The following SLC25A21 variants were observed in gnomAD, a reference collection of about 807,000 sequenced individuals.
The protein encoded by SLC25A21 is solute carrier family 25 member 21, also known as mitochondrial 2-oxodicarboxylate carrier.
A neutral mutation model predicts 43.8 loss-of-function variants in SLC25A21; 47 were observed. The ratio of observed to expected loss-of-function variants is 1.07; its 90% CI spans 0.85 to 1.37. The LOEUF is 1.37. SLC25A21 is among the 40% of genes most tolerant of loss of function. The pLI is 0.00. For synonymous variants in SLC25A21, 131 were observed against 121.3 expected (o/e 1.08, Z -0.52); for missense variants, 352 against 350.2 (o/e 1.00, Z -0.04).
chr14:36,955,628 T>C (rs1959318813), intron 1 of SLC25A21, among the ~76,000 whole-genome samples: 1 of 152,138 alleles, frequency 6.6e-6, no homozygotes, highest in South Asian at 2.1e-4. Flanking sequence ...CAAACCAAGA[T>C]TAAAGATGTA....
intron 3 of SLC25A21, among the ~76,000 whole-genome samples, chr14:36,775,274 C>G (rs1199998243): frequency 6.6e-6 from 1 of 152,156 alleles, no homozygotes; most frequent in Non-Finnish European, 1.5e-5. Flanking sequence ...GAAACTCAGT[C>G]CTGTGTTTAA....
rs142365561 is a variant in SLC25A21, at chr14:36,885,910, T to A, written c.71-10906A>T. On this transcript the variant is annotated intron_variant, in intron 1 of 9. Transcript: ENST00000331299. ...TGCCACTTCCTTGATGTTTTCGAAT[T>A]AAATCCAAGACCCCTCTTATGTTCT... Among the ~76,000 whole-genome samples, 236 of 152,304 alleles carry A rather than the reference T, an allele frequency of 1.5e-3. 7 individuals carry two copies. In the East Asian group the frequency reaches 0.044, roughly 28 times the overall value.
chr14:37,066,691 AG>A (rs1962067536), intron 1 of SLC25A21, among the ~76,000 whole-genome samples: 1 of 152,188 alleles, frequency 6.6e-6, no homozygotes, highest in Non-Finnish European at 1.5e-5. Flanking sequence ...TCATTTAAAA[AG>A]TATATGTGTG....
At chr14:37,160,654 G>A (rs1375850185) in intron 1 of SLC25A21, among the ~76,000 whole-genome samples, 1 of 152,018 alleles carries the variant, frequency 6.6e-6, no homozygotes, top group Non-Finnish European at 1.5e-5. Flanking sequence ...TTCAGGCCAG[G>A]TGCGGTGGCT....
rs374197957 is a variant in SLC25A21 at position 36,817,631 on chromosome 14, A to G, written c.120-3630T>C. On this transcript the variant is annotated intron_variant, in intron 2 of 9. Coordinates refer to ENST00000331299, the MANE Select transcript of SLC25A21 (RefSeq NM_030631.4). Reference sequence around the variant, plus strand: ...AAGCACTTGACCTTTTCTGCTGCTCAGCTCAGCACTTCGGCTACCTCAGGA... The same window carrying G: ...AAGCACTTGACCTTTTCTGCTGCTCGGCTCAGCACTTCGGCTACCTCAGGA... Among the ~76,000 whole-genome samples the G allele has an allele frequency of 4.4e-3, 672 of 152,286 alleles. 1 individual carries two copies. The highest frequency in any genetic ancestry group is 6.8e-3 in the Middle Eastern group (2 of 294).
chr14:37,035,592 C>T (rs1035914936), intron 1 of SLC25A21, among the ~76,000 whole-genome samples: 96 of 152,338 alleles, frequency 6.3e-4, no homozygotes, highest in African/African-American at 2.2e-3. Context: ...GTCTTATATT[C>T]TCAACAAACT....
chr14:36,769,900 C>A (rs1374998955), intron 3 of SLC25A21, among the ~76,000 whole-genome samples: 1 of 152,174 alleles, frequency 6.6e-6, no homozygotes, highest in Non-Finnish European at 1.5e-5. Context: ...AGTGTTGTAT[C>A]CTCACAGGGC....
At chr14:36,887,671 G>T (rs1351402832) in intron 1 of SLC25A21, among the ~76,000 whole-genome samples, 1 of 152,058 alleles carries the variant, frequency 6.6e-6, no homozygotes. Flanking sequence ...TCTATGGCTT[G>T]GGGAAGAGGG....
chr14:36,728,753 T>C (rs1161010204), intron 5 of SLC25A21, among the ~76,000 whole-genome samples: 1 of 152,362 alleles, frequency 6.6e-6, no homozygotes, highest in South Asian at 2.1e-4. Flanking sequence ...GGCATTTTCC[T>C]AGAGGCTGGA....
intron 1 of SLC25A21, among the ~76,000 whole-genome samples, chr14:37,062,569 C>T (rs950116737): frequency 4.6e-5 from 7 of 152,100 alleles, no homozygotes; most frequent in Admixed American, 6.5e-5. Context: ...TTCAGATGCT[C>T]GCTGTTTGCA....
chr14:36,711,136 C>A (rs1410855121), intron 7 of SLC25A21, among the ~76,000 whole-genome samples, 182 bp downstream of exon 7: 1 of 152,144 alleles, frequency 6.6e-6, no homozygotes, highest in East Asian at 1.9e-4. Context: ...CTTGATCTTT[C>A]TAAGACTCCA....
intron 1 of SLC25A21, among the ~76,000 whole-genome samples, chr14:37,078,621 G>A (rs888434587): frequency 2.0e-5 from 3 of 152,116 alleles, no homozygotes; most frequent in Admixed American, 6.5e-5. Flanking sequence ...CCACACACCT[G>A]TGAAATCAGA....
Position 36,841,560 on chromosome 14 carries a change from C to T in SLC25A21, c.120-27559G>A, listed in dbSNP as rs531014386. On this transcript the variant is annotated intron_variant, in intron 2 of 9. Coordinates refer to ENST00000331299, the MANE Select transcript of SLC25A21 (RefSeq NM_030631.4). ...TCTTTCAGATTTGACATTTCCTCTC[C>T]ACTTTCACTGATTTCCTAACACAGG... Among the ~76,000 whole-genome samples the T allele has an allele frequency of 8.4e-4, 128 of 152,288 alleles. 1 individual carries two copies. Among genetic ancestry groups the T allele is most frequent in the South Asian group, 7.9e-3 (38 of 4,824 alleles).
intron 7 of SLC25A21, among the ~76,000 whole-genome samples, chr14:36,706,010 T>G (rs1290582320): frequency 1.3e-5 from 2 of 152,228 alleles, no homozygotes; most frequent in Non-Finnish European, 2.9e-5. Flanking sequence ...AGGATTGATT[T>G]ATTATGTTTT....
At chr14:37,004,756 A>G (rs938068893) in intron 1 of SLC25A21, among the ~76,000 whole-genome samples, 3 of 143,268 alleles carry the variant, frequency 2.1e-5, no homozygotes, top group Non-Finnish European at 4.6e-5. Context: ...CAGCTTGGTC[A>G]GAAGCACCTG....
chr14:36,868,729 A>G (rs1470904407), intron 2 of SLC25A21, among the ~76,000 whole-genome samples: 1 of 152,146 alleles, frequency 6.6e-6, no homozygotes, highest in Admixed American at 6.5e-5. Context: ...CTTATCTTCA[A>G]ATCAATTTCT....
chr14:36,773,512 T>C (rs1417663211), intron 3 of SLC25A21, among the ~76,000 whole-genome samples: 1 of 152,174 alleles, frequency 6.6e-6, no homozygotes, highest in East Asian at 1.9e-4. Context: ...GAGTATTAAT[T>C]TGAAATCTAG....
chr14:37,066,379 C>T (rs1379087037), intron 1 of SLC25A21, among the ~76,000 whole-genome samples: 1 of 151,848 alleles, frequency 6.6e-6, no homozygotes, highest in African/African-American at 2.4e-5. Flanking sequence ...CAACTAAATG[C>T]AATACCTGAC....
At chr14:36,789,866 A>ATATTTT (rs1304286726) in intron 3 of SLC25A21, among the ~76,000 whole-genome samples, 1 of 75,016 alleles carries the variant, frequency 1.3e-5, no homozygotes, top group South Asian at 4.1e-4. Context: ...TTTATATAAA[A>ATATTTT]ATATATTATA....
Sources: allele counts gnomAD v4.1 joint callset (sites outside exome capture counted in the v4.1 genomes callset), GRCh38; gene constraint gnomAD v4.1.1; transcripts MANE v1.5; gene names NCBI Gene and HGNC (gene_info 2026-07-23, HGNC 2026-07-21).